The following PSMD1 variants were observed in gnomAD, a reference collection of about 807,000 sequenced individuals.
PSMD1 encodes the protein proteasome 26S subunit, non-ATPase 1.
A neutral mutation model predicts 119.0 loss-of-function variants in PSMD1; 18 were observed. The ratio of observed to expected loss-of-function variants is 0.15; its 90% CI spans 0.10 to 0.22. The LOEUF (loss-of-function observed/expected upper bound fraction) is 0.22, where lower values mean the gene tolerates loss of function less well. Among genes scored for constraint, PSMD1 ranks in the 10% least tolerant of loss-of-function variants. The probability of loss-of-function intolerance (pLI) is 1.00; values close to 1 mark genes in which losing one functional copy is unlikely to be tolerated. For synonymous variants in PSMD1, 374 were observed against 396.6 expected, an observed-to-expected ratio of 0.94 and a Z score of 0.68; for missense variants, 702 against 1,158.5, an observed-to-expected ratio of 0.61 and a Z score of 5.72.
rs915624012 is a variant in PSMD1, at chr2:231,066,969, A to C, written c.368A>C (p.Lys123Thr). The change falls in exon 5 of 25, where the codon AAA becomes ACA. Residue 123 changes from lysine to threonine, a missense_variant. Physicochemically the swap from Lys to Thr is moderately conservative, Grantham distance 78 (BLOSUM62 -1). This residue lies in a region of PSMD1 where 50 missense variants were observed against 41.8 expected (regional missense o/e 1.20). Transcript: ENST00000308696. ...VENADLPEGE[K>T]KPIDQRLEGI... ...AATGCAGATTTGCCTGAAGGAGAAA[A>C]AAAACCAATTGACCAGAGATTGGAA... is the stretch of plus-strand genomic sequence containing the variant. 2 of 1,613,400 alleles carry C rather than the reference A, an allele frequency of 1.2e-6. No individual in the cohort carries two copies. Among genetic ancestry groups the C allele is most frequent in the African/African-American group, 1.3e-5 (1 of 75,026 alleles).
chr2:231,129,968 C>CT (rs1695816552), intron 16 of PSMD1, among the ~76,000 whole-genome samples: 1 of 152,134 alleles, frequency 6.6e-6, no homozygotes, highest in African/African-American at 2.4e-5. Context: ...GTTCTCCTGC[C>CT]TCAGCCTCCC....
chr2:231,064,106 C>T (rs1377000448), intron 4 of PSMD1, among the ~76,000 whole-genome samples: 2 of 152,192 alleles, frequency 1.3e-5, no homozygotes, highest in African/African-American at 4.8e-5. Flanking sequence ...CTTCTAAACA[C>T]TGTATCATTT....
chr2:231,147,787 C>T (rs527629708), intron 18 of PSMD1, among the ~76,000 whole-genome samples: 22 of 152,268 alleles, frequency 1.4e-4, no homozygotes, highest in Admixed American at 1.1e-3. Flanking sequence ...AAATTGACAA[C>T]AGAAAAAACT....
At chr2:231,105,660 G>T (rs540054596) in intron 16 of PSMD1, among the ~76,000 whole-genome samples, 2 of 151,768 alleles carry the variant, frequency 1.3e-5, no homozygotes, top group Non-Finnish European at 2.9e-5. Context: ...TTTTAGATAC[G>T]GATCTTGCAA....
intron 16 of PSMD1, among the ~76,000 whole-genome samples, chr2:231,090,537 C>T (rs541203379): frequency 5.9e-5 from 9 of 152,136 alleles, no homozygotes; most frequent in African/African-American, 2.2e-4. Context: ...CCATCCTGGG[C>T]GACAAAGCAA....
At chr2:231,125,683 T>C (rs1386362171) in intron 16 of PSMD1, among the ~76,000 whole-genome samples, 1 of 152,234 alleles carries the variant, frequency 6.6e-6, no homozygotes, top group Non-Finnish European at 1.5e-5. Flanking sequence ...AAAATACAAG[T>C]AATGAAAATA....
intron 16 of PSMD1, among the ~76,000 whole-genome samples, chr2:231,134,264 C>A (rs1695919835): frequency 6.6e-6 from 1 of 152,130 alleles, no homozygotes; most frequent in Admixed American, 6.5e-5. Flanking sequence ...CCTCATGTTA[C>A]ATTTAAAGAT....
chr2:231,103,147 TA>T (rs1316685732), intron 16 of PSMD1, among the ~76,000 whole-genome samples: 1 of 152,228 alleles, frequency 6.6e-6, no homozygotes, highest in African/African-American at 2.4e-5. Context: ...CTACAAACTG[TA>T]AAATATTTTT....
rs771672002 is a variant in PSMD1 at position 231,062,265 on chromosome 2, A to G, written c.78A>G (p.Lys26=). ...TTTTACAGGAATTTGCACTACACAA[A>G]TTGAATGCAGTTGTTAATGACTTCT... ...EPQLKEFALH[K]LNAVVNDFWA... is the part of the protein sequence containing the mutation. The change falls in exon 3 of 25, where the codon AAA becomes AAG. Residue 26 remains lysine, a synonymous_variant. Transcript: ENST00000308696. 3.2e-5 allele frequency: 52 copies of G among 1,612,876 alleles called. No homozygotes were observed. In the Middle Eastern group the frequency reaches 8.2e-4, roughly 25 times the overall value.
chr2:231,163,831 C>A, intron 21 of PSMD1, 104 bp downstream of exon 21: 1 of 793,372 alleles, frequency 1.3e-6, no homozygotes, highest in Non-Finnish European at 2.0e-6. Flanking sequence ...AGTAACACTT[C>A]TTATGCTAAC....
chr2:231,087,782 G>A (rs1034154298), intron 16 of PSMD1, among the ~76,000 whole-genome samples: 9 of 152,104 alleles, frequency 5.9e-5, no homozygotes, highest in Non-Finnish European at 1.3e-4. Context: ...CTAACACGGT[G>A]AAACCCTGTC....
intron 12 of PSMD1, among the ~76,000 whole-genome samples, chr2:231,082,669 C>T (rs113833852): frequency 2.0e-5 from 3 of 152,326 alleles, no homozygotes; most frequent in African/African-American, 7.2e-5. Flanking sequence ...CACGCCATTG[C>T]ACTCCAGCCT....
intron 12 of PSMD1, among the ~76,000 whole-genome samples, chr2:231,082,266 A>G (rs954543155): frequency 7.2e-5 from 11 of 151,890 alleles, no homozygotes; most frequent in East Asian, 5.8e-4. Context: ...GAGTCTCCCT[A>G]TGTTGCCCAG....
intron 16 of PSMD1, among the ~76,000 whole-genome samples, chr2:231,117,866 A>AG (rs1356972550): frequency 1.1e-4 from 17 of 152,156 alleles, no homozygotes; most frequent in South Asian, 2.1e-4. Context: ...ACTTGTCCCT[A>AG]GGGGGGAAAA....
At chr2:231,119,060 T>C (rs1695442187) in intron 16 of PSMD1, among the ~76,000 whole-genome samples, 1 of 152,250 alleles carries the variant, frequency 6.6e-6, no homozygotes, top group South Asian at 2.1e-4. Context: ...TTTGAGCATA[T>C]GAGTTATCCT....
chr2:231,123,632 G>C (rs78484969), intron 16 of PSMD1: 17 of 1,613,882 alleles, frequency 1.1e-5, no homozygotes, highest in Non-Finnish European at 4.2e-6. Flanking sequence ...TCAACAATCT[G>C]TTTCATTTCC....
chr2:231,117,374 C>A (rs1695379602), intron 16 of PSMD1, among the ~76,000 whole-genome samples: 1 of 152,026 alleles, frequency 6.6e-6, no homozygotes, highest in Admixed American at 6.6e-5. Context: ...ATCTAAGGGT[C>A]AGTCTGAGGG....
At chr2:231,075,628 A>G (rs941045512) in intron 8 of PSMD1, 57 bp downstream of exon 8, 1 of 1,522,822 alleles carries the variant, frequency 6.6e-7, no homozygotes, top group Non-Finnish European at 9.0e-7. Flanking sequence ...CACCCAGGCT[A>G]GAACGCAGTG....
At chr2:231,078,013 AT>A (rs1694208940) in intron 9 of PSMD1, among the ~76,000 whole-genome samples, 1 of 152,264 alleles carries the variant, frequency 6.6e-6, no homozygotes, top group African/African-American at 2.4e-5. Context: ...TACGCCTATA[AT>A]CCCAGCACTC....
Sources: allele counts gnomAD v4.1 joint callset (sites outside exome capture counted in the v4.1 genomes callset), GRCh38; gene constraint gnomAD v4.1.1; regional missense constraint gnomAD v4.1.1; transcripts MANE v1.5; gene names NCBI Gene and HGNC (gene_info 2026-07-23, HGNC 2026-07-21).